The following PRUNE2 variants were observed in gnomAD, a reference collection of about 807,000 sequenced individuals.
PRUNE2 encodes the protein prune homolog 2 with BCH domain.
PRUNE2 carries 164 observed loss-of-function variants against 252.0 expected under a neutral mutation model. The observed-to-expected ratio is 0.65, with a 90% CI of 0.57 to 0.74. PRUNE2 has a LOEUF of 0.74. Among genes scored for constraint, PRUNE2 ranks in the 30% least tolerant of loss-of-function variants. The probability of loss-of-function intolerance (pLI) is 0.00; values close to 1 mark genes in which losing one functional copy is unlikely to be tolerated. For synonymous variants in PRUNE2, 1,292 were observed against 1,350.2 expected (o/e 0.96, Z 0.94); for missense variants, 3,495 against 3,711.0 (o/e 0.94, Z 1.51).
At chr9:76,885,447 C>A (rs912829455) in intron 1 of PRUNE2, among the ~76,000 whole-genome samples, 1 of 150,414 alleles carries the variant, frequency 6.6e-6, no homozygotes, top group African/African-American at 2.4e-5. Flanking sequence ...GATCTCTCAC[C>A]CCATTCCTAG....
intron 1 of PRUNE2, among the ~76,000 whole-genome samples, chr9:76,898,772 A>G (rs1453017312): frequency 6.6e-6 from 1 of 152,234 alleles, no homozygotes; most frequent in Non-Finnish European, 1.5e-5. Flanking sequence ...CAAAGCAAGA[A>G]ATATCAAATG....
chr9:76,795,157 CA>C (rs542415604), intron 6 of PRUNE2, among the ~76,000 whole-genome samples: 103 of 152,228 alleles, frequency 6.8e-4, no homozygotes, highest in African/African-American at 2.4e-3. Flanking sequence ...GGCCAATCTC[CA>C]GAATGAATAT....
intron 18 of PRUNE2, among the ~76,000 whole-genome samples, chr9:76,616,570 C>T (rs755390097): frequency 1.3e-5 from 2 of 152,068 alleles, no homozygotes; most frequent in Non-Finnish European, 2.9e-5. Flanking sequence ...ATGCCCATCT[C>T]GATTATTTTT....
intron 1 of PRUNE2, among the ~76,000 whole-genome samples, chr9:76,896,519 G>A (rs1240017834): frequency 1.3e-5 from 2 of 152,196 alleles, no homozygotes; most frequent in Non-Finnish European, 2.9e-5. Context: ...CCTGAATTGT[G>A]GAAGGATGTT....
intron 4 of PRUNE2, among the ~76,000 whole-genome samples, chr9:76,831,987 A>C (rs2058698529): frequency 1.3e-5 from 2 of 152,154 alleles, no homozygotes; most frequent in Non-Finnish European, 2.9e-5. Flanking sequence ...AACAAAACGG[A>C]CTACAAAACA....
Position 76,659,029 on chromosome 9 carries a change from C to T in PRUNE2, c.8277-3527G>A, listed in dbSNP as rs77381936. Among the ~76,000 whole-genome samples, 324 of 152,236 alleles carry T rather than the reference C, an allele frequency of 2.1e-3. 7 individuals carry two copies. Among genetic ancestry groups the T allele is most frequent in the Admixed American group, 0.018 (278 of 15,286 alleles). ...TCTGAGCAGAAGGCTTAGGAGCAAG[C>T]GTGTGAGGAGCCACATCCTCTTCCC... On this transcript the variant is annotated intron_variant, in intron 9 of 18. Coordinates refer to ENST00000376718, the MANE Select transcript of PRUNE2 (RefSeq NM_015225.3).
chr9:76,847,054 C>T (rs994120895), intron 3 of PRUNE2, among the ~76,000 whole-genome samples: 4 of 152,036 alleles, frequency 2.6e-5, no homozygotes, highest in African/African-American at 9.7e-5. Context: ...AGGCTGGGCG[C>T]GGTGGCTCAC....
At chr9:76,873,549 C>T (rs574854535) in intron 1 of PRUNE2, among the ~76,000 whole-genome samples, 7 of 152,260 alleles carry the variant, frequency 4.6e-5, no homozygotes, top group Non-Finnish European at 5.9e-5. Context: ...CCAAACGAGG[C>T]GCCAGAGAGC....
chr9:76,878,801 C>T (rs149982233), intron 1 of PRUNE2, among the ~76,000 whole-genome samples: 1 of 152,162 alleles, frequency 6.6e-6, no homozygotes, highest in South Asian at 2.1e-4. Context: ...CAAGGAATTA[C>T]TCTTATTTTA....
At chr9:76,732,889 T>G (rs1207110976) in intron 6 of PRUNE2, among the ~76,000 whole-genome samples, 4 of 152,136 alleles carry the variant, frequency 2.6e-5, no homozygotes, top group Non-Finnish European at 5.9e-5. Context: ...CTGTTCTCAC[T>G]CTCATTCTAA....
chr9:76,768,505 CT>C (rs1362472270), intron 6 of PRUNE2, among the ~76,000 whole-genome samples: 1 of 151,726 alleles, frequency 6.6e-6, no homozygotes, highest in Non-Finnish European at 1.5e-5. Context: ...ATTTCAACAA[CT>C]ATCAAGTCTG....
Position 76,685,481 on chromosome 9 carries a change from T to G in PRUNE2, c.8276+17856A>C, listed in dbSNP as rs547844277. On this transcript the variant is annotated intron_variant, in intron 9 of 18. Coordinates refer to ENST00000376718, the MANE Select transcript of PRUNE2 (RefSeq NM_015225.3). ...AGTCTTAACCCTTAGTACCTCAAGG[T>G]GTGTGTTTGGAAATGGGGTTTTTGC... 2.0e-5 allele frequency among the ~76,000 whole-genome samples: 3 copies of G among 152,254 alleles called. No homozygotes were observed. The South Asian group carries it at 6.2e-4, about 32-fold the overall frequency.
intron 6 of PRUNE2, among the ~76,000 whole-genome samples, chr9:76,715,005 A>T (rs1297333469): frequency 6.6e-6 from 1 of 152,238 alleles, no homozygotes; most frequent in Non-Finnish European, 1.5e-5. Context: ...ATGTGCACTC[A>T]AGGGATTTAA....
chr9:76,747,261 C>T (rs2050207382), intron 6 of PRUNE2, among the ~76,000 whole-genome samples: 1 of 152,156 alleles, frequency 6.6e-6, no homozygotes, highest in Non-Finnish European at 1.5e-5. Flanking sequence ...GTAATATGAG[C>T]TAGTGAAACC....
At chr9:76,673,218 G>A (rs2041865283) in intron 9 of PRUNE2, among the ~76,000 whole-genome samples, 1 of 151,374 alleles carries the variant, frequency 6.6e-6, no homozygotes, top group African/African-American at 2.4e-5. Flanking sequence ...ATGATAAAGG[G>A]GATATCACCA....
At chr9:76,726,808 C>T (rs1308025453) in intron 6 of PRUNE2, among the ~76,000 whole-genome samples, 1 of 152,172 alleles carries the variant, frequency 6.6e-6, no homozygotes, top group Non-Finnish European at 1.5e-5. Flanking sequence ...ACTTCCATTG[C>T]TATTAGTACC....
chr9:76,719,510 G>A (rs1168250792), intron 6 of PRUNE2, among the ~76,000 whole-genome samples: 1 of 151,836 alleles, frequency 6.6e-6, no homozygotes, highest in Non-Finnish European at 1.5e-5. Context: ...TTTAGGCCGA[G>A]CATGGTGGCT....
At chr9:76,809,371 A>C (rs1450655607) in intron 6 of PRUNE2, among the ~76,000 whole-genome samples, 1 of 152,126 alleles carries the variant, frequency 6.6e-6, no homozygotes, top group Non-Finnish European at 1.5e-5. Context: ...GAAATTACTT[A>C]ATTGGTACAA....
chr9:76,705,022 C>T lies in PRUNE2; in HGVS notation c.7252G>A (p.Glu2418Lys), dbSNP rs2134817695. The change falls in exon 8 of 19, where the codon GAG becomes AAG. Residue 2418 changes from glutamate to lysine, a missense_variant. By Grantham distance (56) the Glu-to-Lys change is moderately conservative. Transcript: ENST00000376718. ...GCTCTGCATCCCAGAGATTCATCCT[C>T]TGGAGACCCAGCTTCCTCTATTGTT... ...AETIEEAGSP[E>K]DESLGCRAAE... is the part of the protein sequence containing the mutation. 1.2e-6 allele frequency: 2 copies of T among 1,613,974 alleles called. No individual in the cohort carries two copies. The highest frequency in any genetic ancestry group is 1.7e-6 in the Non-Finnish European group (2 of 1,179,862).
Sources: allele counts gnomAD v4.1 joint callset (sites outside exome capture counted in the v4.1 genomes callset), GRCh38; gene constraint gnomAD v4.1.1; transcripts MANE v1.5; gene names NCBI Gene and HGNC (gene_info 2026-07-23, HGNC 2026-07-21).